The following SGCB variants were observed in gnomAD, a reference collection of about 807,000 sequenced individuals.
The protein encoded by SGCB is sarcoglycan beta.
SGCB carries 25 observed loss-of-function variants against 27.3 expected under a neutral mutation model. That is an observed-to-expected ratio of 0.92 (90% CI 0.67 to 1.28). The LOEUF is 1.28. Among genes scored for constraint, SGCB ranks in the 50% most tolerant of loss-of-function variants. SGCB has a pLI of 0.00. For missense variants in SGCB, 436 were observed against 402.1 expected (o/e 1.08, Z -0.72); for synonymous variants, 147 against 133.5 (o/e 1.10, Z -0.70).
chr4:52,024,115 G>A lies in SGCB; in HGVS notation c.799C>T (p.Arg267Cys), dbSNP rs200761715. Residue 267 changes from arginine to cysteine, a missense_variant, in exon 6 of 6, where the codon CGC becomes TGC. Transcript: ENST00000381431. Reference sequence around the variant, plus strand: ...TCTCCACTGGAGGAACTGGGTAGGCGGGTGGTGCTGACCATCACAGATCCA... The same window carrying A: ...TCTCCACTGGAGGAACTGGGTAGGCAGGTGGTGCTGACCATCACAGATCCA... Reference protein sequence around the residue: ...LNGSVMVSTTRLPSSSSGDQL... With the variant: ...LNGSVMVSTTCLPSSSSGDQL... 1.0e-3 allele frequency: 1,648 copies of A among 1,614,084 alleles called. 28 individuals are homozygous for A. In the South Asian group the frequency reaches 0.015, roughly 15 times the overall value.
At chr4:52,025,231 A>G (rs1737058498) in intron 5 of SGCB, among the ~76,000 whole-genome samples, 1 of 152,248 alleles carries the variant, frequency 6.6e-6, no homozygotes, top group African/African-American at 2.4e-5. Context: ...AATGAACAGT[A>G]AAACACATAA....
At chr4:52,034,137 C>T (rs191854795) in intron 1 of SGCB, among the ~76,000 whole-genome samples, 1,754 of 151,242 alleles carry the variant, frequency 0.012, 18 homozygotes, top group Non-Finnish European at 0.017. Flanking sequence ...CAAGACCAGC[C>T]TGGCCAAGAT....
intron 1 of SGCB, 34 bp downstream of exon 1, chr4:52,038,193 C>G (rs1737450601): frequency 1.6e-6 from 2 of 1,224,790 alleles, no homozygotes; most frequent in Admixed American, 3.8e-5. Flanking sequence ...CTCCCCCGCT[C>G]CTCCAGCCCG....
At chr4:52,026,553 G>T (rs1737103121) in intron 5 of SGCB, among the ~76,000 whole-genome samples, 1 of 151,874 alleles carries the variant, frequency 6.6e-6, no homozygotes, top group Admixed American at 6.6e-5. Context: ...CATCGCGCCC[G>T]GCCTAAATTG....
intron 2 of SGCB, among the ~76,000 whole-genome samples, chr4:52,030,223 T>C (rs1166737356): frequency 6.6e-6 from 1 of 152,174 alleles, no homozygotes; most frequent in African/African-American, 2.4e-5. Context: ...TCTAAACATA[T>C]ATTTCTAAAA....
At position 52,030,014 on chromosome 4, in the gene SGCB, C is replaced by A; in HGVS notation, c.244-151G>T. 1.5e-6 allele frequency: 1 copy of A among 665,280 alleles called. No individual in the cohort carries two copies. The allele number at this position is 665,280 out of a possible 1,614,324, so 41.2% of individuals were successfully genotyped here. A position where few individuals can be genotyped will look rare whatever the true frequency, so the allele number is the denominator to read the frequency against. On this transcript the variant is annotated intron_variant, in intron 2 of 5. Coordinates refer to ENST00000381431, the MANE Select transcript of SGCB (RefSeq NM_000232.5). ...TATCAATTAATTTTCCACTTATAAA[C>A]AAAACGAATTTTATTTTTATTAAGG... is the stretch of plus-strand genomic sequence containing the variant.
chr4:52,031,392 CTGTGTGTGTGTGTATGTGTG>C (rs1345871197), intron 2 of SGCB, among the ~76,000 whole-genome samples: 2 of 140,152 alleles, frequency 1.4e-5, no homozygotes, highest in South Asian at 2.3e-4. Flanking sequence ...CCATTCATCT[CTGTGTGTGTGTGTATGTGTG>C]TGTGTGTGTG....
chr4:52,037,984 C>T (rs997304849), intron 1 of SGCB, among the ~76,000 whole-genome samples: 4 of 152,118 alleles, frequency 2.6e-5, no homozygotes, highest in Non-Finnish European at 4.4e-5. Context: ...TCCTCACCCC[C>T]TCCGAGGATC....
At chr4:52,024,438 AT>A (rs1226777781) in intron 5 of SGCB, among the ~76,000 whole-genome samples, 1 of 152,172 alleles carries the variant, frequency 6.6e-6, no homozygotes, top group African/African-American at 2.4e-5. Context: ...TCATAATAAA[AT>A]TGATGTTGAT....
intron 5 of SGCB, among the ~76,000 whole-genome samples, chr4:52,027,292 T>C (rs1024682921): frequency 2.0e-5 from 3 of 152,132 alleles, no homozygotes; most frequent in Non-Finnish European, 1.5e-5. Flanking sequence ...TTTGGACTTA[T>C]GGCACATGAA....
At chr4:52,026,365 T>C (rs1461800595) in intron 5 of SGCB, among the ~76,000 whole-genome samples, 1 of 150,688 alleles carries the variant, frequency 6.6e-6, no homozygotes, top group Non-Finnish European at 1.5e-5. Context: ...TTCAAGCGAT[T>C]CTCCTGCCTC....
rs1737148428 is a variant in SGCB at position 52,028,057 on chromosome 4, C to T, written c.664G>A (p.Gly222Arg). Residue 222 changes from glycine (G) to arginine (R), a missense_variant, in exon 5 of 6, where the codon GGG (glycine) becomes AGG (arginine). Transcript: ENST00000381431. ...ATSDLNIKVD[G>R]RAIVRGNEGV... ...TCATTTCCACGCACAATAGCACGCC[C>T]ATCAACTTTTATATTTAAATCACTG... is the stretch of plus-strand genomic sequence containing the variant. 1.2e-6 allele frequency: 2 copies of T among 1,613,264 alleles called. No individual in the cohort carries two copies. Among genetic ancestry groups the T allele is most frequent in the African/African-American group, 1.3e-5 (1 of 74,886 alleles).
intron 1 of SGCB, among the ~76,000 whole-genome samples, chr4:52,036,311 C>A (rs1046284591): frequency 6.6e-6 from 1 of 151,564 alleles, no homozygotes; most frequent in African/African-American, 2.4e-5. Flanking sequence ...TCTGGGAGAA[C>A]TAATTTTGGT....
At chr4:52,036,074 T>C (rs1737383817) in intron 1 of SGCB, among the ~76,000 whole-genome samples, 1 of 152,144 alleles carries the variant, frequency 6.6e-6, no homozygotes, top group South Asian at 2.1e-4. Context: ...GACTAACAGT[T>C]CACAAAGCAT....
At chr4:52,030,623 C>A (rs1023362703) in intron 2 of SGCB, among the ~76,000 whole-genome samples, 1 of 152,152 alleles carries the variant, frequency 6.6e-6, no homozygotes, top group African/African-American at 2.4e-5. Context: ...TTTTCTCTCT[C>A]AGGAAATCTT....
At chr4:52,031,449 T>TGTGTGC (rs1262507884) in intron 2 of SGCB, among the ~76,000 whole-genome samples, 10 of 144,612 alleles carry the variant, frequency 6.9e-5, no homozygotes, top group African/African-American at 1.6e-4. Flanking sequence ...TGTGTGTGTG[T>TGTGTGC]GCACGCGCAT....
chr4:52,030,666 G>A (rs986137927), intron 2 of SGCB, among the ~76,000 whole-genome samples: 13 of 152,032 alleles, frequency 8.6e-5, no homozygotes, highest in African/African-American at 2.4e-4. Flanking sequence ...TTTGGTCTGC[G>A]TGGGCTGGAC....
At chr4:52,028,957 AAAG>A (rs1270974701) in intron 3 of SGCB, 36 bp from the exon 4 acceptor site, 5 of 1,490,386 alleles carry the variant, frequency 3.4e-6, no homozygotes, top group Non-Finnish European at 2.8e-6. Context: ...ATATATTTTC[AAAG>A]AAGACTGCAA....
chr4:52,023,767 T>A lies in SGCB; in HGVS notation c.*190A>T, dbSNP rs1207803627. 1 of 572,988 alleles carries A rather than the reference T, an allele frequency of 1.7e-6. No homozygotes were observed. The highest frequency in any genetic ancestry group is 1.9e-5 in the African/African-American group (1 of 53,526). The allele number at this position is 572,988 out of a possible 1,614,324, so 35.5% of individuals were successfully genotyped here. ...AGAACAGTAAATATGAAGATTAGTA[T>A]AAATTAATAAAATGTATTAGAATTT... On this transcript the variant is annotated 3_prime_UTR_variant, in exon 6 of 6. Transcript: ENST00000381431.
Sources: allele counts gnomAD v4.1 joint callset (sites outside exome capture counted in the v4.1 genomes callset), GRCh38; gene constraint gnomAD v4.1.1; transcripts MANE v1.5; gene names NCBI Gene and HGNC (gene_info 2026-07-23, HGNC 2026-07-21).